The following GNA13 variants were observed in gnomAD, a reference collection of about 807,000 sequenced individuals.
GNA13 encodes G protein subunit alpha 13.
In GNA13, 4 loss-of-function variants were observed where a neutral mutation model predicts 33.5. The observed-to-expected ratio is 0.12, with a 90% CI of 0.06 to 0.27. The LOEUF is 0.27. Among genes scored for constraint, GNA13 ranks in the 10% least tolerant of loss-of-function variants. The probability of loss-of-function intolerance (pLI) is 1.00; values close to 1 mark genes in which losing one functional copy is unlikely to be tolerated. For missense variants in GNA13, 319 were observed against 487.2 expected (o/e 0.65, Z 3.25); for synonymous variants, 176 against 183.8 (o/e 0.96, Z 0.34).
At chr17:65,019,218 G>T (rs1352972893) in intron 2 of GNA13, among the ~76,000 whole-genome samples, 3 of 152,188 alleles carry the variant, frequency 2.0e-5, no homozygotes, top group African/African-American at 7.2e-5. Context: ...AGGAGTGCCT[G>T]GGACCACACT....
chr17:65,041,021 T>A (rs538107490), intron 2 of GNA13, among the ~76,000 whole-genome samples: 1 of 152,304 alleles, frequency 6.6e-6, no homozygotes, highest in East Asian at 1.9e-4. Context: ...ACATTTCACA[T>A]CATGATGCTT....
At chr17:65,048,445 T>C (rs996955181) in intron 2 of GNA13, among the ~76,000 whole-genome samples, 4 of 152,076 alleles carry the variant, frequency 2.6e-5, no homozygotes, top group African/African-American at 9.7e-5. Context: ...CAGAGTAGAG[T>C]ATTTCAAATA....
intron 2 of GNA13, among the ~76,000 whole-genome samples, chr17:65,049,678 C>T (rs1907793389): frequency 6.6e-6 from 1 of 152,168 alleles, no homozygotes; most frequent in South Asian, 2.1e-4. Flanking sequence ...GACACAGCCC[C>T]TAAGGCACTG....
At chr17:65,048,287 A>C (rs759592269) in intron 2 of GNA13, among the ~76,000 whole-genome samples, 1 of 151,786 alleles carries the variant, frequency 6.6e-6, no homozygotes, top group East Asian at 1.9e-4. Context: ...TTTCATCCAT[A>C]TCTCCAATTG....
At chr17:65,040,204 A>G (rs940328119) in intron 2 of GNA13, among the ~76,000 whole-genome samples, 2 of 152,196 alleles carry the variant, frequency 1.3e-5, no homozygotes, top group African/African-American at 4.8e-5. Context: ...ATTGGTTGCA[A>G]CATTTAATCA....
At chr17:65,036,954 G>A (rs2143806253) in intron 2 of GNA13, among the ~76,000 whole-genome samples, 1 of 152,330 alleles carries the variant, frequency 6.6e-6, no homozygotes, top group South Asian at 2.1e-4. Flanking sequence ...AAGGCAGCCA[G>A]ACAGGCAGTT....
intron 2 of GNA13, among the ~76,000 whole-genome samples, chr17:65,048,063 AG>A (rs1275102329): frequency 6.6e-6 from 1 of 152,206 alleles, no homozygotes; most frequent in African/African-American, 2.4e-5. Flanking sequence ...CTTTGGTTTC[AG>A]GAATTGCAAA....
At chr17:65,024,771 T>A (rs1906711247) in intron 2 of GNA13, among the ~76,000 whole-genome samples, 1 of 152,246 alleles carries the variant, frequency 6.6e-6, no homozygotes, top group Admixed American at 6.5e-5. Context: ...TACTCAAAAC[T>A]AGATTTCGTA....
At chr17:65,021,830 T>C (rs1029474175) in intron 2 of GNA13, among the ~76,000 whole-genome samples, 2 of 152,230 alleles carry the variant, frequency 1.3e-5, no homozygotes, top group African/African-American at 4.8e-5. Flanking sequence ...GTATCAAATA[T>C]AGATTTTCTA....
At chr17:65,055,121 C>A (rs1376542413) in intron 1 of GNA13, among the ~76,000 whole-genome samples, 1 of 151,974 alleles carries the variant, frequency 6.6e-6, no homozygotes, top group Non-Finnish European at 1.5e-5. Flanking sequence ...AACAAAAATC[C>A]CACTTAAAAA....
intron 2 of GNA13, among the ~76,000 whole-genome samples, chr17:65,027,976 C>T (rs963589881): frequency 1.3e-5 from 2 of 152,022 alleles, no homozygotes; most frequent in Non-Finnish European, 2.9e-5. Flanking sequence ...CGGTGGCTCA[C>T]GCCTGTAATC....
chr17:65,053,317 T>A lies in GNA13; in HGVS notation c.510+185A>T. 13 of 583,746 alleles carry A rather than the reference T, an allele frequency of 2.2e-5. 1 individual carries two copies. The South Asian group carries it at 2.8e-4, about 13-fold the overall frequency. The allele number at this position is 583,746 out of a possible 1,614,324, so 36.2% of individuals were successfully genotyped here. ...GCCTAAAGGTAATTTTATACACTAT[T>A]TTTACACGTAGTCATTAGAGACTAG... On this transcript the variant is annotated intron_variant, in intron 2 of 3. Coordinates refer to ENST00000439174, the MANE Select transcript of GNA13 (RefSeq NM_006572.6).
intron 2 of GNA13, among the ~76,000 whole-genome samples, chr17:65,033,495 AT>A (rs1017788360): frequency 3.3e-5 from 5 of 151,990 alleles, no homozygotes; most frequent in African/African-American, 1.2e-4. Context: ...TTTAAAAAAA[AT>A]AATTAAAAAA....
At chr17:65,017,774 A>G (rs780293597) in intron 3 of GNA13, among the ~76,000 whole-genome samples, 1 of 152,234 alleles carries the variant, frequency 6.6e-6, no homozygotes, top group African/African-American at 2.4e-5. Flanking sequence ...ATTTGTCAAA[A>G]GATTTGGAAA....
chr17:65,033,386 C>A (rs906373100), intron 2 of GNA13, among the ~76,000 whole-genome samples: 4 of 151,574 alleles, frequency 2.6e-5, no homozygotes, highest in Non-Finnish European at 5.9e-5. Flanking sequence ...TACTAGGAGG[C>A]TGAAGCAGAA....
chr17:65,042,844 T>C (rs992986001), intron 2 of GNA13, among the ~76,000 whole-genome samples: 6 of 152,198 alleles, frequency 3.9e-5, no homozygotes, highest in Non-Finnish European at 8.8e-5. Flanking sequence ...ATATTCTACA[T>C]TATTCAGAAT....
rs779924076 is a variant in GNA13 at position 65,014,535 on chromosome 17, T to C, written c.856A>G (p.Ile286Val). ...TCTGTCTTGTTTAAGAACAGAATTATGGAGACATTGCTGAAAACCCGGTTA... is the reference window on the plus strand; with the variant it reads ...TCTGTCTTGTTTAAGAACAGAATTACGGAGACATTGCTGAAAACCCGGTTA... ...VNNRVFSNVS[I>V]ILFLNKTDLL... The change falls in exon 4 of 4, where the codon ATA (isoleucine) becomes GTA (valine). Residue 286 changes from isoleucine to valine, a missense_variant. Physicochemically the swap from Ile to Val is conservative, Grantham distance 29 (BLOSUM62 3). Transcript: ENST00000439174. This position sits in a 1 kb window ranked among gnomAD's most constrained non-coding sequence, Gnocchi z 5.3. 1 of 1,614,166 alleles carries C rather than the reference T, an allele frequency of 6.2e-7. No homozygotes were observed. The highest frequency in any genetic ancestry group is 1.1e-5 in the South Asian group (1 of 91,088).
intron 2 of GNA13, among the ~76,000 whole-genome samples, chr17:65,039,015 G>A (rs545597711): frequency 5.8e-4 from 89 of 152,166 alleles, no homozygotes; most frequent in African/African-American, 2.1e-3. Flanking sequence ...AGTAAACCAG[G>A]GACTGTCTGT....
At chr17:65,056,278 C>CG in intron 1 of GNA13, 33 bp downstream of exon 1, 1 of 1,511,424 alleles carries the variant, frequency 6.6e-7, no homozygotes, top group Non-Finnish European at 9.0e-7. Context: ...CCCCCCTGCC[C>CG]TTAACCCCCG....
Sources: allele counts gnomAD v4.1 joint callset (sites outside exome capture counted in the v4.1 genomes callset), GRCh38; gene constraint gnomAD v4.1.1; non-coding constraint Gnocchi (gnomAD v3.1); transcripts MANE v1.5; gene names NCBI Gene and HGNC (gene_info 2026-07-23, HGNC 2026-07-21).